Variants in SP140 observed in about 807,000 individuals in gnomAD.
SP140 encodes nuclear body protein SP140.
Under a neutral mutation model 125.0 loss-of-function variants are expected in SP140, and 81 were observed. The observed-to-expected ratio is 0.65, with a 90% CI of 0.54 to 0.78. The LOEUF (loss-of-function observed/expected upper bound fraction) is 0.78. Ranked by LOEUF, SP140 falls within the 30% of genes least tolerant of loss-of-function variation. The pLI, the probability that SP140 is intolerant of heterozygous loss-of-function variation, is 0.00. For missense variants in SP140, 858 were observed against 1,037.0 expected (o/e 0.83, Z 2.37); for synonymous variants, 312 against 354.0 (o/e 0.88, Z 1.33).
chr2:230,285,650 A>T, intron 16 of SP140, 102 bp from the exon 17 acceptor site: 2 of 947,322 alleles, frequency 2.1e-6, no homozygotes, highest in East Asian at 2.4e-5. Context: ...GCTCGAGGGG[A>T]TCCAGAATGA....
chr2:230,223,246 A>C (rs2045970803), upstream of SP140, among the ~76,000 whole-genome samples: 1 of 152,130 alleles, frequency 6.6e-6, no homozygotes, highest in Non-Finnish European at 1.5e-5. Flanking sequence ...CATGTTGGCC[A>C]GGATGGTCTT....
At chr2:230,284,728 G>C (rs947853370) in intron 16 of SP140, among the ~76,000 whole-genome samples, 3 of 152,040 alleles carry the variant, frequency 2.0e-5, no homozygotes, top group African/African-American at 7.2e-5. Context: ...AAGAAATCAG[G>C]GTGTATGTGT....
At chr2:230,231,320 AT>A (rs1196157781) in intron 1 of SP140, among the ~76,000 whole-genome samples, 2 of 150,704 alleles carry the variant, frequency 1.3e-5, no homozygotes, top group South Asian at 2.1e-4. Flanking sequence ...ATGTCTTATA[AT>A]TTTTTTTTTA....
rs756025511 is a variant in SP140, at chr2:230,245,981, A to T, written c.742+41A>T. 2.5e-6 allele frequency: 3 copies of T among 1,182,860 alleles called. No homozygotes were observed. The South Asian group carries it at 3.7e-5, about 15-fold the overall frequency. 73.3% of individuals were successfully genotyped at this position (1,182,860 alleles called of 1,614,324 possible). A position where few individuals can be genotyped will look rare whatever the true frequency, so the allele number is the denominator to read the frequency against. On this transcript the variant is annotated intron_variant, in intron 7 of 26. Transcript: ENST00000392045. Reference sequence around the variant, plus strand: ...ATTAAAGCTTTATTTTTCTGTCAACATACAAAAACACCTACTCTTTCATCT... The same window carrying T: ...ATTAAAGCTTTATTTTTCTGTCAACTTACAAAAACACCTACTCTTTCATCT...
chr2:230,279,913 C>G (rs192925740), intron 15 of SP140, among the ~76,000 whole-genome samples: 1 of 152,076 alleles, frequency 6.6e-6, no homozygotes, highest in East Asian at 1.9e-4. Context: ...ATATACCACC[C>G]CTAAACCAAG....
At chr2:230,205,449 A>G (rs997292392) in intron 1 of SP140, among the ~76,000 whole-genome samples, 3 of 152,040 alleles carry the variant, frequency 2.0e-5, no homozygotes, top group African/African-American at 7.2e-5. Flanking sequence ...TTGTAATCCT[A>G]TCCATTATTT....
intron 22 of SP140, among the ~76,000 whole-genome samples, chr2:230,306,869 G>A (rs1310794616): frequency 1.3e-5 from 2 of 152,222 alleles, no homozygotes; most frequent in Non-Finnish European, 2.9e-5. Context: ...GTGGGAAGGG[G>A]CAGGTCCCTG....
intron 12 of SP140, among the ~76,000 whole-genome samples, chr2:230,261,686 C>T (rs942526325): frequency 6.6e-6 from 1 of 152,054 alleles, no homozygotes; most frequent in Admixed American, 6.6e-5. Flanking sequence ...TTGTTGAATG[C>T]TTTTTCTGCA....
chr2:230,313,772 A>G (rs549539886), downstream of SP140, among the ~76,000 whole-genome samples: 6 of 152,348 alleles, frequency 3.9e-5, no homozygotes, highest in African/African-American at 1.4e-4. Context: ...GGATAGCCCC[A>G]GAAGTGCTAT....
intron 8 of SP140, 148 bp from the exon 9 acceptor site, chr2:230,248,737 G>A (rs2049896416): frequency 1.6e-6 from 1 of 631,926 alleles, no homozygotes; most frequent in Admixed American, 2.8e-5. Context: ...TTACAGAGAA[G>A]GAGAAAGAGG....
intron 18 of SP140, among the ~76,000 whole-genome samples, chr2:230,289,585 C>A (rs554859533): frequency 6.6e-6 from 1 of 152,326 alleles, no homozygotes; most frequent in Non-Finnish European, 1.5e-5. Flanking sequence ...AGCAATTCTC[C>A]TGACTTAGCC....
chr2:230,303,909 C>T (rs1057153488), intron 22 of SP140, among the ~76,000 whole-genome samples: 1 of 152,014 alleles, frequency 6.6e-6, no homozygotes, highest in Non-Finnish European at 1.5e-5. Flanking sequence ...CTAGGCAGAG[C>T]AATCAGACAA....
intron 22 of SP140, among the ~76,000 whole-genome samples, chr2:230,298,762 G>A (rs76029471): frequency 0.03 from 4,504 of 152,250 alleles, 102 homozygotes; most frequent in Non-Finnish European, 0.042. Context: ...TTGTTTCCTG[G>A]ATCCCACTTC....
At position 230,251,684 on chromosome 2, in the gene SP140, T is replaced by C. The variant is rs536826820; in HGVS notation, c.1057+623T>C. ...AAAGAAATGGTATCCTACCCTCTAA[T>C]TGACAGAATTCAGATGATCTCTTTA... On this transcript the variant is annotated intron_variant, in intron 10 of 26. Coordinates refer to ENST00000392045, the MANE Select transcript of SP140 (RefSeq NM_007237.5). 1.1e-4 allele frequency among the ~76,000 whole-genome samples: 17 copies of C among 152,310 alleles called. No homozygotes were observed. In the South Asian group the frequency reaches 2.1e-3, roughly 19 times the overall value.
chr2:230,198,712 A>C (rs772992956), upstream of SP140, among the ~76,000 whole-genome samples: 1 of 152,012 alleles, frequency 6.6e-6, no homozygotes, highest in African/African-American at 2.4e-5. Context: ...CTCCTGTCTC[A>C]GCCTCCTGAG....
At chr2:230,234,639 A>G (rs2149085122) in intron 1 of SP140, among the ~76,000 whole-genome samples, 1 of 152,268 alleles carries the variant, frequency 6.6e-6, no homozygotes, top group Middle Eastern at 3.4e-3. Flanking sequence ...TAGGGTTTCA[A>G]ATTCACTTAT....
At chr2:230,225,635 C>T (rs2046220581), upstream of SP140, 1 of 620,784 alleles carries the variant, frequency 1.6e-6, no homozygotes, top group Non-Finnish European at 2.9e-6. Context: ...GGGGCTGGCT[C>T]TGCTCCTCCT....
At chr2:230,212,984 T>A (rs1449007288) in intron 1 of SP140, 1 of 1,613,952 alleles carries the variant, frequency 6.2e-7, no homozygotes, top group South Asian at 1.1e-5. Flanking sequence ...GGGCTTCAAG[T>A]AGGATTGGTG....
chr2:230,251,981 G>GT (rs2050444465), intron 10 of SP140, among the ~76,000 whole-genome samples: 1 of 152,072 alleles, frequency 6.6e-6, no homozygotes, highest in African/African-American at 2.4e-5. Context: ...GCGGGCATGG[G>GT]TTAGGGTGGG....
Sources: allele counts gnomAD v4.1 joint callset (sites outside exome capture counted in the v4.1 genomes callset), GRCh38; gene constraint gnomAD v4.1.1; transcripts MANE v1.5; gene names NCBI Gene and HGNC (gene_info 2026-07-23, HGNC 2026-07-21).